Variants in DNAAF2 observed in about 807,000 individuals in gnomAD.
DNAAF2 encodes the protein dynein axonemal assembly factor 2, also known as protein kintoun.
In DNAAF2, 58 loss-of-function variants were observed where a neutral mutation model predicts 48.8. The observed-to-expected ratio is 1.19, with a 90% confidence interval of 0.96 to 1.48. The LOEUF is 1.48. Ranked by LOEUF, DNAAF2 falls within the 40% of genes most tolerant of loss-of-function variation. The pLI is 0.00. For synonymous variants in DNAAF2, 567 were observed against 481.2 expected (o/e 1.18, Z -2.33); for missense variants, 1,241 against 1,116.1 (o/e 1.11, Z -1.59).
chr14:49,633,816 C>T lies in DNAAF2; in HGVS notation c.1334G>A (p.Gly445Glu). The T allele has an allele frequency of 6.3e-7, 1 of 1,585,560 alleles. No homozygotes were observed. Among genetic ancestry groups the T allele is most frequent in the Non-Finnish European group, 8.5e-7 (1 of 1,173,442 alleles). The change falls in exon 1 of 3, where the codon GGG becomes GAG. Residue 445 changes from glycine to glutamate, a missense_variant. Gly to Glu is a moderately conservative substitution (Grantham distance 98). Coordinates refer to ENST00000298292, the MANE Select transcript of DNAAF2 (RefSeq NM_018139.3). ...PGEQDLSRHA[G>E]SPPGSVEEPS... ...CTCCTCCACGCTGCCCGGCGGTGACCCCGCGTGCCTGCTCAAGTCCTGCTC... is the reference window on the plus strand; with the variant it reads ...CTCCTCCACGCTGCCCGGCGGTGACTCCGCGTGCCTGCTCAAGTCCTGCTC...
At chr14:49,626,077 ATTATT>A in intron 2 of DNAAF2, 29 bp from the exon 3 acceptor site, 1 of 1,375,086 alleles carries the variant, frequency 7.3e-7, no homozygotes, top group Non-Finnish European at 9.4e-7. Context: ...CAAATTAATA[ATTATT>A]TTAAATAATA....
Position 49,633,941 on chromosome 14 carries a change from G to T in DNAAF2, c.1209C>A (p.Cys403Ter), listed in dbSNP as rs1594608281. Residue 403 changes from cysteine (C) to a stop codon, truncating the protein, a stop_gained, in exon 1 of 3, where the codon TGC becomes TGA. Coordinates refer to ENST00000298292, the MANE Select transcript of DNAAF2 (RefSeq NM_018139.3). LOFTEE classifies it high-confidence loss of function. ...SRAEDGGHDT[C>*]VAGAAGSGVT... ...CCCCGGAGCCCGCAGCCCCAGCCAC[G>T]CAGGTATCGTGGCCTCCGTCCTCCG... The T allele has an allele frequency of 6.5e-7, 1 of 1,531,234 alleles. No individual in the cohort carries two copies. The highest frequency in any genetic ancestry group is 2.5e-5 in the East Asian group (1 of 40,768). 94.9% of individuals were successfully genotyped at this position (1,531,234 alleles called of 1,614,324 possible). A position where few individuals can be genotyped will look rare whatever the true frequency, so the allele number is the denominator to read the frequency against.
At position 49,635,012 on chromosome 14, in the gene DNAAF2, C is replaced by T. The variant is rs775743526; in HGVS notation, c.138G>A (p.Pro46=). ...CCGCCTCGTAGCGCCGCCGGTTCTC[C>T]GGGTCGGTGAGCTCCTCGGCGTACT... ...FSQYAEELTD[P]ENRRRYEAEI... Residue 46 remains proline (P), a synonymous_variant, in exon 1 of 3, where the codon CCG becomes CCA. Coordinates refer to ENST00000298292, the MANE Select transcript of DNAAF2 (RefSeq NM_018139.3). 8 of 1,569,732 alleles carry T rather than the reference C, an allele frequency of 5.1e-6. No individual in the cohort carries two copies. The highest frequency in any genetic ancestry group is 3.5e-5 in the South Asian group (3 of 85,594).
In DNAAF2 at chr14:49,634,447, C is replaced by A; in HGVS notation, c.703G>T (p.Gly235Trp). ...PYPYQYPAAP[G>W]PRAPSPPEAA... is the part of the protein sequence containing the mutation. ...TCCGGAGGGGAGGGCGCCCGGGGCCCGGGGGCTGCCGGGTACTGGTAAGGG... is the reference window on the plus strand; with the variant it reads ...TCCGGAGGGGAGGGCGCCCGGGGCCAGGGGGCTGCCGGGTACTGGTAAGGG... The change falls in exon 1 of 3, where the codon GGG (glycine) becomes TGG (tryptophan). Residue 235 changes from glycine (G) to tryptophan (W), a missense_variant. Gly to Trp is a radical substitution (Grantham distance 184, BLOSUM62 -2). Transcript: ENST00000298292. The A allele has an allele frequency of 6.4e-7, 1 of 1,555,854 alleles. No homozygotes were observed. The highest frequency in any genetic ancestry group is 2.3e-5 in the East Asian group (1 of 42,872).
chr14:49,632,106 G>C (rs187442603), intron 1 of DNAAF2, among the ~76,000 whole-genome samples: 155 of 152,266 alleles, frequency 1.0e-3, no homozygotes, highest in African/African-American at 3.6e-3. Context: ...ATGTATTATT[G>C]AATATTTTCT....
chr14:49,634,108 C>G lies in DNAAF2; in HGVS notation c.1042G>C (p.Val348Leu), dbSNP rs747634547. Residue 348 changes from valine (V) to leucine (L), a missense_variant, in exon 1 of 3, where the codon GTG (valine) becomes CTG (leucine). Val to Leu is a conservative substitution (Grantham distance 32, BLOSUM62 1). Transcript: ENST00000298292. ...TCCCGGCGCGCGGCCGGCAGCACCA[C>G]TGGCAGCGTAACCACCAGCTGCCGC... ...ARRQLVVTLP[V>L]VLPAARREPA... The G allele has an allele frequency of 1.3e-6, 2 of 1,549,682 alleles. No homozygotes were observed. The highest frequency in any genetic ancestry group is 2.7e-5 in the African/African-American group (2 of 73,074).
chr14:49,633,425 A>T lies in DNAAF2; in HGVS notation c.1725T>A (p.Ala575=), dbSNP rs1883217946. ...DLVYSFFLQF[A]PENKLSTTEP... is the part of the protein sequence containing the mutation. ...CTGTGGTACTCAATTTATTCTCTGGAGCAAATTGCAAAAAGAAGGAATAAA... is the reference window on the plus strand; with the variant it reads ...CTGTGGTACTCAATTTATTCTCTGGTGCAAATTGCAAAAAGAAGGAATAAA... Residue 575 remains alanine (A), a synonymous_variant, in exon 1 of 3, where the codon GCT becomes GCA. Transcript: ENST00000298292. The T allele has an allele frequency of 1.9e-6, 3 of 1,613,930 alleles. No homozygotes were observed. Among genetic ancestry groups the T allele is most frequent in the Non-Finnish European group, 1.7e-6 (2 of 1,179,908 alleles).
chr14:49,625,742 C>T lies in DNAAF2; in HGVS notation c.2314G>A (p.Glu772Lys), dbSNP rs1469795552. Reference protein sequence around the residue: ...CSNEEKDNLNESVITEEKETD... With the variant: ...CSNEEKDNLNKSVITEEKETD... ...TCTTTCTCTTCAGTTATTACTGACTCGTTTAAGTTATCTTTTTCCTCATTT... is the reference window on the plus strand; with the variant it reads ...TCTTTCTCTTCAGTTATTACTGACTTGTTTAAGTTATCTTTTTCCTCATTT... Residue 772 changes from glutamate to lysine, a missense_variant, in exon 3 of 3, where the codon GAG (glutamate) becomes AAG (lysine). Coordinates refer to ENST00000298292, the MANE Select transcript of DNAAF2 (RefSeq NM_018139.3). The T allele has an allele frequency of 1.1e-5, 18 of 1,612,796 alleles. No individual in the cohort carries two copies. The highest frequency in any genetic ancestry group is 1.3e-5 in the Non-Finnish European group (15 of 1,179,572).
At chr14:49,629,897 C>T (rs1347304359) in intron 1 of DNAAF2, 1 of 152,026 alleles carries the variant, frequency 6.6e-6, no homozygotes, top group African/African-American at 2.4e-5. Context: ...AGCATATATT[C>T]AGGGCATTTT....
chr14:49,625,395 G>A lies in DNAAF2; in HGVS notation c.*147C>T, dbSNP rs1036808221. The A allele has an allele frequency of 2.9e-5, 14 of 488,348 alleles. No individual in the cohort carries two copies. The highest frequency in any genetic ancestry group is 3.5e-5 in the Non-Finnish European group (11 of 310,438). The allele number at this position is 488,348 out of a possible 1,614,324, so 30.3% of individuals were successfully genotyped here. A position where few individuals can be genotyped will look rare whatever the true frequency, so the allele number is the denominator to read the frequency against. ...AAATTATCTCCAATTTCCCCCATGA[G>A]AATCAAAATTGCAATTTTTTAAAAA... On this transcript the variant is annotated 3_prime_UTR_variant, in exon 3 of 3. Transcript: ENST00000298292.
At chr14:49,630,173 G>A (rs1883115890) in intron 1 of DNAAF2, among the ~76,000 whole-genome samples, 1 of 151,926 alleles carries the variant, frequency 6.6e-6, no homozygotes, top group African/African-American at 2.4e-5. Flanking sequence ...TGAGGCTGCA[G>A]TGAGCCATGA....
At chr14:49,631,577 CG>C (rs1237968157) in intron 1 of DNAAF2, among the ~76,000 whole-genome samples, 1 of 152,006 alleles carries the variant, frequency 6.6e-6, no homozygotes, top group Non-Finnish European at 1.5e-5. Flanking sequence ...GTGAGTGAGC[CG>C]CCCCACTGCA....
chr14:49,626,249 A>T (rs1430626701), intron 2 of DNAAF2, among the ~76,000 whole-genome samples: 1 of 152,150 alleles, frequency 6.6e-6, no homozygotes, highest in Non-Finnish European at 1.5e-5. Context: ...GCACTTTGGG[A>T]TGCCAAGGCA....
intron 1 of DNAAF2, among the ~76,000 whole-genome samples, chr14:49,630,740 T>TAC (rs58647073): frequency 1.1e-3 from 152 of 136,866 alleles, no homozygotes; most frequent in Middle Eastern, 7.6e-3. Flanking sequence ...ACAAACTCTC[T>TAC]ACACACACAC....
intron 2 of DNAAF2, among the ~76,000 whole-genome samples, chr14:49,627,474 C>T (rs989194773): frequency 6.6e-6 from 1 of 152,178 alleles, no homozygotes; most frequent in Non-Finnish European, 1.5e-5. Context: ...GTTAGTTTCT[C>T]TTTGTTCCTC....
chr14:49,627,932 T>C, intron 2 of DNAAF2, 80 bp downstream of exon 2: 1 of 1,350,348 alleles, frequency 7.4e-7, no homozygotes, highest in Non-Finnish European at 9.9e-7. Context: ...TTTAAAGTTA[T>C]GATATTAAGA....
rs1467764139 is a variant in DNAAF2, at chr14:49,634,670, GA to G, written c.479del (p.Phe160SerfsTer19). 1.2e-6 allele frequency: 2 copies of G among 1,606,498 alleles called. No individual in the cohort carries two copies. The highest frequency in any genetic ancestry group is 1.7e-6 in the Non-Finnish European group (2 of 1,179,648). ...GGGCCGTGGCGTCCAGCATCTGGCGGAAGCCCTCGTGCCGCCGGGCCAGCGC... is the reference window on the plus strand; with the variant it reads ...GGGCCGTGGCGTCCAGCATCTGGCGGAGCCCTCGTGCCGCCGGGCCAGCGC... ...ALALARRHEG[F>X]RQMLDATALE... On this transcript the variant is annotated frameshift_variant, in exon 1 of 3. Transcript: ENST00000298292. LOFTEE classifies it high-confidence loss of function.
intron 2 of DNAAF2, 122 bp from the exon 3 acceptor site, chr14:49,626,170 A>G (rs1883001395): frequency 1.3e-6 from 1 of 749,692 alleles, no homozygotes; most frequent in South Asian, 4.5e-5. Flanking sequence ...ACCTGCAGGT[A>G]TACATCCAGG....
Position 49,633,424 on chromosome 14 carries a change from G to C in DNAAF2, c.1726C>G (p.Pro576Ala), listed in dbSNP as rs1179928295. 1.9e-6 allele frequency: 3 copies of C among 1,613,990 alleles called. No individual in the cohort carries two copies. Among genetic ancestry groups the C allele is most frequent in the Non-Finnish European group, 1.7e-6 (2 of 1,179,898 alleles). ...LVYSFFLQFA[P>A]ENKLSTTEPV... ...TCTGTGGTACTCAATTTATTCTCTG[G>C]AGCAAATTGCAAAAAGAAGGAATAA... The change falls in exon 1 of 3, where the codon CCA becomes GCA. Residue 576 changes from proline (P) to alanine (A), a missense_variant. By Grantham distance (27) the Pro-to-Ala change is conservative (BLOSUM62 -1). Coordinates refer to ENST00000298292, the MANE Select transcript of DNAAF2 (RefSeq NM_018139.3).
Sources: gnomAD v4.1 joint callset for allele counts (sites outside exome capture counted in the v4.1 genomes callset) on GRCh38, gnomAD v4.1.1 for gene constraint, MANE v1.5 for transcripts, NCBI Gene and HGNC (gene_info 2026-07-23, HGNC 2026-07-21) for gene names.